The following CSGALNACT1 variants were observed in gnomAD, a reference collection of about 807,000 sequenced individuals.
The protein encoded by CSGALNACT1 is chondroitin sulfate N-acetylgalactosaminyltransferase 1.
In CSGALNACT1, 52 loss-of-function variants were observed where a neutral mutation model predicts 51.0. That is an observed-to-expected ratio of 1.02 (90% confidence interval 0.82 to 1.29). The LOEUF (loss-of-function observed/expected upper bound fraction) is 1.29, where lower values mean the gene tolerates loss of function less well. Among genes scored for constraint, CSGALNACT1 ranks in the 50% most tolerant of loss-of-function variants. The pLI, the probability that CSGALNACT1 is intolerant of heterozygous loss-of-function variation, is 0.00. For synonymous variants in CSGALNACT1, 341 were observed against 254.4 expected (o/e 1.34, Z -3.24); for missense variants, 935 against 679.2 (o/e 1.38, Z -4.19).
At chr8:19,632,511 G>A (rs1345993553) in intron 1 of CSGALNACT1, among the ~76,000 whole-genome samples, 1 of 151,826 alleles carries the variant, frequency 6.6e-6, no homozygotes, top group East Asian at 1.9e-4. Context: ...ATAACATTTG[G>A]AATACCTTTC....
chr8:19,716,724 A>G (rs2062834113), intron 1 of CSGALNACT1, among the ~76,000 whole-genome samples: 1 of 151,428 alleles, frequency 6.6e-6, no homozygotes, highest in Non-Finnish European at 1.5e-5. Flanking sequence ...CATGGGAGGC[A>G]GAAGTTGTAG....
intron 4 of CSGALNACT1, among the ~76,000 whole-genome samples, chr8:19,465,387 G>C (rs2066442621): frequency 2.0e-5 from 3 of 152,170 alleles, no homozygotes; most frequent in Admixed American, 1.3e-4. Flanking sequence ...CAGAGTTTCT[G>C]TTTGAGAAGA....
chr8:19,571,038 G>C (rs905185775), intron 3 of CSGALNACT1, among the ~76,000 whole-genome samples: 2 of 152,118 alleles, frequency 1.3e-5, no homozygotes, highest in Non-Finnish European at 2.9e-5. Flanking sequence ...AAGTGCAGTG[G>C]CACAATCACT....
chr8:19,658,867 T>C (rs1471448744), intron 1 of CSGALNACT1, among the ~76,000 whole-genome samples: 1 of 152,220 alleles, frequency 6.6e-6, no homozygotes, highest in African/African-American at 2.4e-5. Context: ...TGATACATAG[T>C]GTTTATCTTC....
chr8:19,519,632 G>C (rs987099653), intron 3 of CSGALNACT1, among the ~76,000 whole-genome samples: 1 of 152,186 alleles, frequency 6.6e-6, no homozygotes, highest in African/African-American at 2.4e-5. Context: ...CCGAAGGCGA[G>C]AGTTGGAGGA....
chr8:19,611,587 G>T (rs2052268164), intron 1 of CSGALNACT1, among the ~76,000 whole-genome samples: 1 of 152,204 alleles, frequency 6.6e-6, no homozygotes, highest in Non-Finnish European at 1.5e-5. Context: ...CACCATCCCA[G>T]TGGTGGAGCT....
chr8:19,619,904 C>T (rs2053595611), intron 1 of CSGALNACT1, among the ~76,000 whole-genome samples: 3 of 152,146 alleles, frequency 2.0e-5, no homozygotes. Flanking sequence ...GCTCAAATCC[C>T]AGCCTGGTCA....
intron 3 of CSGALNACT1, among the ~76,000 whole-genome samples, chr8:19,520,925 A>G (rs768194286): frequency 2.0e-5 from 3 of 152,234 alleles, no homozygotes; most frequent in South Asian, 2.1e-4. Flanking sequence ...CTTAAGCACC[A>G]TGCCACATGG....
At chr8:19,504,268 G>C (rs887653859) in intron 4 of CSGALNACT1, among the ~76,000 whole-genome samples, 1 of 152,058 alleles carries the variant, frequency 6.6e-6, no homozygotes, top group Non-Finnish European at 1.5e-5. Flanking sequence ...AGTAGAGATG[G>C]GGTTTCACCG....
At chr8:19,635,609 G>C (rs1430611975) in intron 1 of CSGALNACT1, among the ~76,000 whole-genome samples, 1 of 152,142 alleles carries the variant, frequency 6.6e-6, no homozygotes, top group Non-Finnish European at 1.5e-5. Flanking sequence ...GGCATTTCAA[G>C]ATCAGCTCCA....
intron 8 of CSGALNACT1, among the ~76,000 whole-genome samples, chr8:19,413,543 T>C (rs1054828108): frequency 6.6e-5 from 10 of 152,190 alleles, no homozygotes; most frequent in African/African-American, 1.4e-4. Context: ...CCTGAATAAA[T>C]AGAAACAGAA....
At chr8:19,579,170 G>A (rs955969651) in intron 3 of CSGALNACT1, among the ~76,000 whole-genome samples, 4 of 152,212 alleles carry the variant, frequency 2.6e-5, no homozygotes, top group African/African-American at 9.7e-5. Context: ...TCACTTAGGA[G>A]AAATTCCAAA....
chr8:19,416,046 G>T (rs1248610852), intron 8 of CSGALNACT1, among the ~76,000 whole-genome samples: 1 of 151,722 alleles, frequency 6.6e-6, no homozygotes, highest in East Asian at 1.9e-4. Context: ...TCAACAACAG[G>T]CTGCATATGA....
intron 6 of CSGALNACT1, among the ~76,000 whole-genome samples, chr8:19,430,933 T>A (rs1027847427): frequency 1.7e-4 from 26 of 152,298 alleles, no homozygotes; most frequent in African/African-American, 6.3e-4. Flanking sequence ...TTCTAAACCT[T>A]TTTTATATTA....
intron 1 of CSGALNACT1, among the ~76,000 whole-genome samples, chr8:19,613,443 G>A (rs777862784): frequency 8.6e-5 from 13 of 152,042 alleles, no homozygotes; most frequent in South Asian, 2.1e-4. Flanking sequence ...TTCACCATGC[G>A]CACACTATTT....
At chr8:19,428,449 T>C (rs990378792) in intron 6 of CSGALNACT1, among the ~76,000 whole-genome samples, 1 of 152,118 alleles carries the variant, frequency 6.6e-6, no homozygotes, top group Non-Finnish European at 1.5e-5. Flanking sequence ...TCGTGAGACT[T>C]ATTCACCACC....
chr8:19,576,767 G>A (rs1197729106), intron 3 of CSGALNACT1, among the ~76,000 whole-genome samples: 3 of 152,044 alleles, frequency 2.0e-5, no homozygotes, highest in Non-Finnish European at 4.4e-5. Context: ...GCAGGCCAGA[G>A]CCAATACTTG....
upstream of CSGALNACT1, among the ~76,000 whole-genome samples, chr8:19,684,244 A>C (rs2060840053): frequency 6.6e-6 from 1 of 152,176 alleles, no homozygotes; most frequent in Admixed American, 6.5e-5. Flanking sequence ...AAGAGAACAG[A>C]AAATCCTGAA....
chr8:19,666,764 A>G (rs560778775), intron 1 of CSGALNACT1, among the ~76,000 whole-genome samples: 225 of 7,662 alleles, frequency 0.029, 3 homozygotes, highest in African/African-American at 0.11. Context: ...AAGAAAGAAG[A>G]AAGAAAGAAA....
Sources: allele counts gnomAD v4.1 joint callset (sites outside exome capture counted in the v4.1 genomes callset), GRCh38; gene constraint gnomAD v4.1.1; transcripts MANE v1.5; gene names NCBI Gene and HGNC (gene_info 2026-07-23, HGNC 2026-07-21).